Variants in RBFOX3 observed in about 807,000 individuals in gnomAD.
RBFOX3 encodes the protein RNA binding protein fox-1 homolog 3.
Under a neutral mutation model 48.7 loss-of-function variants are expected in RBFOX3, and 17 were observed. That is an observed-to-expected ratio of 0.35 (90% CI 0.24 to 0.52). RBFOX3 has a LOEUF of 0.52. Among genes scored for constraint, RBFOX3 ranks in the 20% least tolerant of loss-of-function variants. RBFOX3 has a pLI of 0.94. For missense variants in RBFOX3, 382 were observed against 497.5 expected (o/e 0.77, Z 2.21); for synonymous variants, 212 against 209.5 (o/e 1.01, Z -0.10).
At chr17:79,197,638 G>A (rs1288875642) in intron 4 of RBFOX3, among the ~76,000 whole-genome samples, 7 of 151,518 alleles carry the variant, frequency 4.6e-5, no homozygotes, top group South Asian at 2.1e-4. Context: ...CAAGTGATCC[G>A]CCCACCTCGG....
At chr17:79,519,025 G>A (rs2149966043) in intron 1 of RBFOX3, among the ~76,000 whole-genome samples, 1 of 152,300 alleles carries the variant, frequency 6.6e-6, no homozygotes, top group South Asian at 2.1e-4. Context: ...CTGTACCCGG[G>A]AAGCACCAAG....
intron 4 of RBFOX3, among the ~76,000 whole-genome samples, chr17:79,167,203 G>A (rs2145571073): frequency 6.6e-6 from 1 of 152,344 alleles, no homozygotes; most frequent in South Asian, 2.1e-4. Flanking sequence ...GACAGTGCCA[G>A]GCACATGGCC....
At chr17:79,399,324 G>A (rs1244254721) in intron 2 of RBFOX3, among the ~76,000 whole-genome samples, 5 of 152,226 alleles carry the variant, frequency 3.3e-5, no homozygotes, top group Non-Finnish European at 5.9e-5. Context: ...GAGGCACCGG[G>A]AGGCAAAGGT....
At chr17:79,168,552 T>C (rs2048490285) in intron 4 of RBFOX3, among the ~76,000 whole-genome samples, 1 of 152,040 alleles carries the variant, frequency 6.6e-6, no homozygotes, top group South Asian at 2.1e-4. Context: ...CCAGGAGGTG[T>C]CCTCACCCCC....
chr17:79,483,014 C>T (rs980986013), intron 1 of RBFOX3, among the ~76,000 whole-genome samples: 5 of 152,052 alleles, frequency 3.3e-5, no homozygotes, highest in Admixed American at 2.0e-4. Flanking sequence ...CACCACTGTC[C>T]GCACTCTCCC....
At chr17:79,182,675 C>G (rs988397797) in intron 4 of RBFOX3, among the ~76,000 whole-genome samples, 1 of 152,036 alleles carries the variant, frequency 6.6e-6, no homozygotes, top group Non-Finnish European at 1.5e-5. Context: ...GCCGGAGCTT[C>G]CTGCGCAGCC....
At chr17:79,350,838 G>T (rs1253707259) in intron 2 of RBFOX3, among the ~76,000 whole-genome samples, 1 of 152,190 alleles carries the variant, frequency 6.6e-6, no homozygotes, top group African/African-American at 2.4e-5. Flanking sequence ...CTGAGCTCAG[G>T]CGCCCCCATG....
At position 79,362,844 on chromosome 17, in the gene RBFOX3, C is replaced by T. The variant is rs777599957; in HGVS notation, c.-174-55020G>A. ...AGCGGGAACATCAGACAACCCTGAA[C>T]GCCCGGCTCTGTGTGCAGACCTCAT... On this transcript the variant is annotated intron_variant, in intron 2 of 14. Coordinates refer to ENST00000693108, the MANE Select transcript of RBFOX3 (RefSeq NM_001350451.2). The surrounding 1 kb of genome is among the most constrained non-coding windows in gnomAD (Gnocchi z 4.2). 7.9e-5 allele frequency among the ~76,000 whole-genome samples: 12 copies of T among 152,174 alleles called. 1 individual carries two copies. The highest frequency in any genetic ancestry group is 6.5e-4 in the Admixed American group (10 of 15,282).
chr17:79,624,369 G>T, the RBFOX3 span, among the ~76,000 whole-genome samples: 1 of 152,070 alleles, frequency 6.6e-6, no homozygotes, highest in Non-Finnish European at 1.5e-5. Context: ...AGGGAGGGAG[G>T]CTGGGGAAGG....
chr17:79,154,910 T>C (rs1339883725), intron 4 of RBFOX3, among the ~76,000 whole-genome samples: 6 of 151,858 alleles, frequency 4.0e-5, no homozygotes, highest in Admixed American at 2.0e-4. Flanking sequence ...CTCCCTGCTC[T>C]TCCACAGGCC....
chr17:79,156,061 CT>C (rs2045723077), intron 4 of RBFOX3, among the ~76,000 whole-genome samples: 1 of 152,232 alleles, frequency 6.6e-6, no homozygotes, highest in Non-Finnish European at 1.5e-5. Flanking sequence ...TAGCCATCCC[CT>C]GGTGCCTGAG....
At chr17:79,519,721 A>G (rs2085777538) in intron 1 of RBFOX3, among the ~76,000 whole-genome samples, 2 of 152,132 alleles carry the variant, frequency 1.3e-5, no homozygotes, top group Admixed American at 1.3e-4. Flanking sequence ...TGACCCTTGG[A>G]GTGGCTGGAG....
chr17:79,143,859 C>T (rs1408146973), intron 4 of RBFOX3, among the ~76,000 whole-genome samples: 1 of 152,260 alleles, frequency 6.6e-6, no homozygotes, highest in Non-Finnish European at 1.5e-5. Flanking sequence ...CCTGCAGTGC[C>T]TGGGCTCAAG....
At chr17:79,394,643 T>C (rs7226158) in intron 2 of RBFOX3, among the ~76,000 whole-genome samples, 104,819 of 152,038 alleles carry the variant, frequency 0.69, 35,996 homozygotes, top group Admixed American at 0.71. Context: ...AGTAAACAAA[T>C]GGCCCCCACT....
At chr17:79,336,743 A>G (rs1341014684) in intron 2 of RBFOX3, among the ~76,000 whole-genome samples, 2 of 152,240 alleles carry the variant, frequency 1.3e-5, no homozygotes, top group Non-Finnish European at 2.9e-5. Context: ...GCACATAGTG[A>G]ATACCAACAG....
intron 4 of RBFOX3, among the ~76,000 whole-genome samples, chr17:79,185,150 A>G (rs1314415623): frequency 6.6e-6 from 1 of 152,138 alleles, no homozygotes; most frequent in Non-Finnish European, 1.5e-5. Context: ...GGAGGCAGAC[A>G]GGGGAAGAGA....
At chr17:79,511,340 C>A (rs1598997656) in intron 1 of RBFOX3, among the ~76,000 whole-genome samples, 1 of 152,286 alleles carries the variant, frequency 6.6e-6, no homozygotes, top group East Asian at 1.9e-4. Context: ...TTTTAAACTA[C>A]CCCCTTTTCA....
chr17:79,393,466 C>A (rs1057237742), intron 2 of RBFOX3, among the ~76,000 whole-genome samples: 25 of 152,374 alleles, frequency 1.6e-4, no homozygotes, highest in African/African-American at 6.0e-4. Flanking sequence ...CGCCACCTCG[C>A]GGCGCTGGCT....
At chr17:79,348,218 T>C (rs2083233628) in intron 2 of RBFOX3, among the ~76,000 whole-genome samples, 1 of 152,208 alleles carries the variant, frequency 6.6e-6, no homozygotes, top group African/African-American at 2.4e-5. Flanking sequence ...CTTGGCTCCC[T>C]GTGAGCACAG....
Sources: allele counts gnomAD v4.1 joint callset (sites outside exome capture counted in the v4.1 genomes callset), GRCh38; gene constraint gnomAD v4.1.1; non-coding constraint Gnocchi (gnomAD v3.1); transcripts MANE v1.5; gene names NCBI Gene and HGNC (gene_info 2026-07-23, HGNC 2026-07-21).